Variants in TEX9 observed in about 807,000 individuals in gnomAD.
The protein encoded by TEX9 is testis-expressed protein 9.
TEX9 carries 74 observed loss-of-function variants against 59.6 expected under a neutral mutation model. That is an observed-to-expected ratio of 1.24 (90% confidence interval 1.03 to 1.51). The LOEUF is 1.51. TEX9 is among the 40% of genes most tolerant of loss of function. The probability of loss-of-function intolerance (pLI) is 0.00; values close to 1 mark genes in which losing one functional copy is unlikely to be tolerated. For missense variants in TEX9, 522 were observed against 447.8 expected (o/e 1.17, Z -1.49); for synonymous variants, 186 against 152.2 (o/e 1.22, Z -1.64).
intron 1 of TEX9, among the ~76,000 whole-genome samples, chr15:56,334,374 T>G (rs989202263): frequency 2.0e-5 from 3 of 152,174 alleles, no homozygotes; most frequent in Non-Finnish European, 4.4e-5. Context: ...AGTGAACTCA[T>G]TTTTGACAAA....
intron 1 of TEX9, among the ~76,000 whole-genome samples, chr15:56,292,770 C>A (rs75323884): frequency 1.3e-5 from 2 of 152,146 alleles, no homozygotes; most frequent in Admixed American, 6.5e-5. Flanking sequence ...GCAGTGGTGG[C>A]TCATACCCAA....
chr15:56,291,410 CT>C (rs1159863546), intron 1 of TEX9, among the ~76,000 whole-genome samples: 1 of 152,048 alleles, frequency 6.6e-6, no homozygotes, highest in Non-Finnish European at 1.5e-5. Flanking sequence ...ATCCTCCCCC[CT>C]ATTTATTATA....
intron 1 of TEX9, among the ~76,000 whole-genome samples, chr15:56,275,967 A>G (rs1285590562): frequency 6.6e-6 from 1 of 152,084 alleles, no homozygotes; most frequent in Non-Finnish European, 1.5e-5. Context: ...ATGCCATTCT[A>G]TTGCCTTTGG....
chr15:56,373,788 A>G (rs988107645), intron 3 of TEX9, among the ~76,000 whole-genome samples: 2 of 152,172 alleles, frequency 1.3e-5, no homozygotes, highest in African/African-American at 4.8e-5. Context: ...AATTGATAGA[A>G]TAGAGCAACT....
chr15:56,388,360 A>G, intron 4 of TEX9, 112 bp from the exon 5 acceptor site: 1 of 818,926 alleles, frequency 1.2e-6, no homozygotes, highest in South Asian at 2.0e-5. Context: ...GAATTATAGC[A>G]AAGTCTGTTT....
chr15:56,269,115 G>T (rs566580411), intron 1 of TEX9, among the ~76,000 whole-genome samples: 7 of 152,062 alleles, frequency 4.6e-5, no homozygotes, highest in Non-Finnish European at 7.4e-5. Context: ...ATTTGCAGAG[G>T]TGTTTATAGT....
At chr15:56,324,753 G>A (rs1242750279) in intron 1 of TEX9, among the ~76,000 whole-genome samples, 1 of 152,148 alleles carries the variant, frequency 6.6e-6, no homozygotes, top group African/African-American at 2.4e-5. Flanking sequence ...TAGATGTTTA[G>A]CTAAGTCATG....
intron 1 of TEX9, among the ~76,000 whole-genome samples, chr15:56,309,704 T>G (rs917950521): frequency 9.2e-5 from 12 of 129,830 alleles, no homozygotes; most frequent in African/African-American, 3.2e-4. Flanking sequence ...TTTTTTTTTT[T>G]TTTTTTTTTT....
At chr15:56,262,610 G>C (rs868124226) in intron 1 of TEX9, among the ~76,000 whole-genome samples, 1 of 152,200 alleles carries the variant, frequency 6.6e-6, no homozygotes, top group African/African-American at 2.4e-5. Context: ...GATATATCAA[G>C]TAGGTCAAAT....
At chr15:56,443,723 A>T (rs1440980813) in intron 12 of TEX9, 3 of 1,613,176 alleles carry the variant, frequency 1.9e-6, no homozygotes, top group Non-Finnish European at 2.5e-6. Flanking sequence ...CATGTTAGCA[A>T]ACTCTATGAT....
At chr15:56,341,582 A>T (rs1447351641) in intron 1 of TEX9, among the ~76,000 whole-genome samples, 1 of 152,070 alleles carries the variant, frequency 6.6e-6, no homozygotes, top group East Asian at 1.9e-4. Flanking sequence ...AAGGGAATTG[A>T]GGGAGTGTAC....
At chr15:56,348,028 T>C (rs2046505293) in intron 1 of TEX9, among the ~76,000 whole-genome samples, 3 of 152,040 alleles carry the variant, frequency 2.0e-5, no homozygotes, top group Admixed American at 2.0e-4. Flanking sequence ...ACATGAGACA[T>C]CCATGTTGGT....
downstream of TEX9, chr15:56,446,786 C>A: frequency 7.6e-7 from 1 of 1,320,474 alleles, no homozygotes; most frequent in Non-Finnish European, 1.1e-6. Context: ...AGAAACAAGT[C>A]TAATTTTTAT....
chr15:56,302,361 A>ACGCG (rs1555431763), intron 1 of TEX9, among the ~76,000 whole-genome samples: 2 of 149,618 alleles, frequency 1.3e-5, no homozygotes, highest in African/African-American at 4.9e-5. Flanking sequence ...ACACACACAC[A>ACGCG]CGAACATAAA....
exon 7 of TEX9, chr15:56,391,401 G>C: frequency 6.4e-7 from 1 of 1,552,522 alleles, no homozygotes; most frequent in Non-Finnish European, 8.7e-7. Context: ...TCTGGTGTTA[G>C]TAATGACATT....
intron 1 of TEX9, among the ~76,000 whole-genome samples, chr15:56,281,459 C>T (rs1231199188): frequency 1.3e-5 from 2 of 152,230 alleles, no homozygotes; most frequent in Non-Finnish European, 2.9e-5. Flanking sequence ...GTGAACCGCC[C>T]ATGCGAGGGA....
At position 56,420,724 on chromosome 15, in the gene TEX9, C is replaced by T. The variant is rs539593911; in HGVS notation, c.964-6881C>T. On this transcript the variant is annotated intron_variant, in intron 10 of 12. Coordinates refer to ENST00000352903, the Ensembl canonical transcript of TEX9. ...CTCTATGAATTTCCTTAGCTACTTCCCACCAAATTTGATTTTTTGTATTTT... is the reference window on the plus strand; with the variant it reads ...CTCTATGAATTTCCTTAGCTACTTCTCACCAAATTTGATTTTTTGTATTTT... Among the ~76,000 whole-genome samples the T allele has an allele frequency of 4.6e-5, 7 of 151,992 alleles. No homozygotes were observed. In the South Asian group the frequency reaches 6.2e-4, roughly 14 times the overall value.
chr15:56,387,371 A>C (rs1382225365), intron 4 of TEX9, among the ~76,000 whole-genome samples: 2 of 151,902 alleles, frequency 1.3e-5, no homozygotes, highest in Non-Finnish European at 2.9e-5. Flanking sequence ...AATTTGTATA[A>C]CATTTGGAAA....
In TEX9 at chr15:56,428,903, A is replaced by G. The variant is rs373385129; in HGVS notation, c.*29+430A>G. The stretch of plus-strand genomic sequence containing the variant: ...AGTGTTGTAGAAATCGGATTTTGAA[A>G]TTATCAGTACAAAAATAACAGCTTG... On this transcript the variant is annotated intron_variant, in intron 12 of 12. Coordinates refer to ENST00000352903, the Ensembl canonical transcript of TEX9. 3 of 514,304 alleles carry G rather than the reference A, an allele frequency of 5.8e-6. No individual in the cohort carries two copies. In the South Asian group the frequency reaches 8.0e-5, roughly 14 times the overall value. The allele number at this position is 514,304 out of a possible 1,614,324, so 31.9% of individuals were successfully genotyped here.
Sources: gnomAD v4.1 joint callset for allele counts (sites outside exome capture counted in the v4.1 genomes callset) on GRCh38, gnomAD v4.1.1 for gene constraint, MANE v1.5 for transcripts, NCBI Gene and HGNC (gene_info 2026-07-23, HGNC 2026-07-21) for gene names.